Variants in NAV3 observed in about 807,000 individuals in gnomAD.
NAV3 encodes pore membrane and/or filament interacting like protein 1.
In NAV3, 87 loss-of-function variants were observed where a neutral mutation model predicts 244.7. That is an observed-to-expected ratio of 0.36 (90% CI 0.30 to 0.42). The LOEUF is 0.42. Ranked by LOEUF, NAV3 falls within the 20% of genes least tolerant of loss-of-function variation. NAV3 has a pLI of 1.00. For synonymous variants in NAV3, 1,126 were observed against 1,042.2 expected (o/e 1.08, Z -1.55); for missense variants, 2,663 against 2,893.3 (o/e 0.92, Z 1.83).
At chr12:77,678,247 C>T (rs1278352359) in intron 2 of NAV3, among the ~76,000 whole-genome samples, 3 of 152,074 alleles carry the variant, frequency 2.0e-5, no homozygotes, top group Non-Finnish European at 4.4e-5. Flanking sequence ...AAATGTATAA[C>T]CAATCTTATT....
At position 77,857,969 on chromosome 12, in the gene NAV3, T is replaced by C. The variant is rs192722428; in HGVS notation, c.243+26265T>C. 5.1e-4 allele frequency among the ~76,000 whole-genome samples: 78 copies of C among 152,180 alleles called. 1 individual carries two copies. The highest frequency in any genetic ancestry group is 1.0e-3 in the Admixed American group (16 of 15,270). ...TTACATGGATAAGAAGGAAATTCAT[T>C]TCGAGTACCAAATGCTATCCATGCA... On this transcript the variant is annotated intron_variant, in intron 1 of 39. Transcript: ENST00000397909.
At chr12:78,121,381 T>A (rs1955660543) in intron 15 of NAV3, among the ~76,000 whole-genome samples, 1 of 152,194 alleles carries the variant, frequency 6.6e-6, no homozygotes, top group Non-Finnish European at 1.5e-5. Context: ...AACTGACTTG[T>A]TGCCGACAAT....
intron 2 of NAV3, among the ~76,000 whole-genome samples, chr12:77,586,702 G>C (rs897852543): frequency 1.3e-5 from 2 of 152,170 alleles, no homozygotes; most frequent in East Asian, 1.9e-4. Flanking sequence ...CACTCGTCAC[G>C]TGTGGCTATT....
chr12:78,189,127 A>G (rs1339432972), intron 33 of NAV3, among the ~76,000 whole-genome samples: 1 of 151,910 alleles, frequency 6.6e-6, no homozygotes, highest in East Asian at 1.9e-4. Flanking sequence ...TTACATATTC[A>G]TTGATATATC....
intron 2 of NAV3, among the ~76,000 whole-genome samples, chr12:77,614,034 T>C (rs1871042350): frequency 6.6e-6 from 1 of 151,626 alleles, no homozygotes; most frequent in African/African-American, 2.4e-5. Flanking sequence ...CCTGTGATTC[T>C]AGCAACGCCT....
At chr12:77,797,186 C>T (rs1871449538) in intron 2 of NAV3, among the ~76,000 whole-genome samples, 1 of 152,116 alleles carries the variant, frequency 6.6e-6, no homozygotes, top group African/African-American at 2.4e-5. Flanking sequence ...ATTTGCTCCT[C>T]ACAAAATTGT....
At chr12:78,183,994 A>G (rs1056826137) in intron 30 of NAV3, among the ~76,000 whole-genome samples, 1 of 151,772 alleles carries the variant, frequency 6.6e-6, no homozygotes, top group African/African-American at 2.4e-5. Context: ...CTTATCTAGC[A>G]TTCCTCAGCC....
chr12:77,918,772 A>G (rs1206099391), intron 1 of NAV3, among the ~76,000 whole-genome samples: 3 of 152,042 alleles, frequency 2.0e-5, no homozygotes, highest in Non-Finnish European at 2.9e-5. Flanking sequence ...GTCAGCTCAG[A>G]GTTCCAAGAG....
chr12:77,746,363 T>G (rs188474155), intron 2 of NAV3, among the ~76,000 whole-genome samples: 79 of 152,178 alleles, frequency 5.2e-4, no homozygotes, highest in African/African-American at 1.8e-3. Context: ...CCATCAGAAG[T>G]CAACACAGAC....
At chr12:78,021,919 A>G (rs990303036) in intron 9 of NAV3, 57 bp downstream of exon 9, 3 of 1,094,662 alleles carry the variant, frequency 2.7e-6, no homozygotes, top group African/African-American at 1.6e-5. Context: ...TTCTCTCCAT[A>G]AGACTTTTTA....
intron 22 of NAV3, among the ~76,000 whole-genome samples, chr12:78,150,341 A>T (rs936416705): frequency 2.0e-5 from 3 of 152,142 alleles, no homozygotes; most frequent in South Asian, 2.1e-4. Flanking sequence ...TTTTATTTTT[A>T]ATGTCCCTTG....
At position 77,727,441 on chromosome 12, in the gene NAV3, T is replaced by A. The variant is rs1003303671; in HGVS notation, c.72+155175T>A. Among the ~76,000 whole-genome samples, 818 of 151,634 alleles carry A rather than the reference T, an allele frequency of 5.4e-3. 7 individuals carry two copies. Among genetic ancestry groups the A allele is most frequent in the African/African-American group, 0.018 (737 of 41,124 alleles). On this transcript the variant is annotated intron_variant, in intron 2 of 8. Transcript: ENST00000550042. ...TCTTAAGAGGAACAATTTTTTTTTT[T>A]AATTGCATGAATCATTGACCCCTTT...
At chr12:77,890,641 C>T (rs76426163) in intron 1 of NAV3, among the ~76,000 whole-genome samples, 2,799 of 152,180 alleles carry the variant, frequency 0.018, 96 homozygotes, top group African/African-American at 0.064. Flanking sequence ...GATATTTTTA[C>T]GATTCTTCAT....
At chr12:77,894,513 G>C (rs934819614) in intron 1 of NAV3, among the ~76,000 whole-genome samples, 1 of 152,058 alleles carries the variant, frequency 6.6e-6, no homozygotes, top group Non-Finnish European at 1.5e-5. Context: ...CAACATGAGA[G>C]AGAAACTTGA....
At chr12:78,021,172 T>C (rs1029121378) in intron 8 of NAV3, among the ~76,000 whole-genome samples, 3 of 152,146 alleles carry the variant, frequency 2.0e-5, no homozygotes, top group Non-Finnish European at 4.4e-5. Context: ...TACATACCCA[T>C]GTACATACAT....
In NAV3 at chr12:77,977,712, GCACA is replaced by G. The variant is rs540138192; in HGVS notation, c.671+9036_671+9039del. 3.9e-3 allele frequency among the ~76,000 whole-genome samples: 558 copies of G among 143,006 alleles called. 4 individuals are homozygous for G. The highest frequency in any genetic ancestry group is 4.7e-3 in the East Asian group (23 of 4,906). 93.8% of individuals were successfully genotyped at this position (143,006 alleles called of 152,430 possible). A position where few individuals can be genotyped will look rare whatever the true frequency, so the allele number is the denominator to read the frequency against. On this transcript the variant is annotated intron_variant, in intron 5 of 39. Transcript: ENST00000397909. ...TATACACACACACACACACACACGC[GCACA>G]CACACACACACACACACACACACAC...
intron 19 of NAV3, among the ~76,000 whole-genome samples, chr12:78,139,863 G>A (rs1027534356): frequency 1.3e-5 from 2 of 151,980 alleles, no homozygotes; most frequent in African/African-American, 4.8e-5. Flanking sequence ...AAATTATATG[G>A]AGAAAAAAAT....
chr12:77,694,475 TAA>T (rs755271316), intron 2 of NAV3, among the ~76,000 whole-genome samples: 28 of 134,258 alleles, frequency 2.1e-4, no homozygotes, highest in Admixed American at 3.0e-4. Context: ...CCATCTCAAT[TAA>T]AAAAAAAAAA....
At chr12:77,984,318 C>T (rs1870087797) in intron 5 of NAV3, among the ~76,000 whole-genome samples, 1 of 152,118 alleles carries the variant, frequency 6.6e-6, no homozygotes, top group South Asian at 2.1e-4. Context: ...TGCTTATGTG[C>T]TTTCAAGTAA....
Sources: gnomAD v4.1 joint callset for allele counts (sites outside exome capture counted in the v4.1 genomes callset) on GRCh38, gnomAD v4.1.1 for gene constraint, MANE v1.5 for transcripts, NCBI Gene and HGNC (gene_info 2026-07-23, HGNC 2026-07-21) for gene names.